Variants in UBR3 observed in about 807,000 individuals in gnomAD.
UBR3 encodes the protein ubiquitin protein ligase E3 component n-recognin 3.
UBR3 carries 85 observed loss-of-function variants against 243.2 expected under a neutral mutation model. The ratio of observed to expected loss-of-function variants is 0.35; its 90% CI spans 0.29 to 0.42. The LOEUF (loss-of-function observed/expected upper bound fraction) is 0.42. Among genes scored for constraint, UBR3 ranks in the 10% least tolerant of loss-of-function variants. UBR3 has a pLI of 1.00. For missense variants in UBR3, 1,686 were observed against 2,300.8 expected, an observed-to-expected ratio of 0.73 and a Z score of 5.47; for synonymous variants, 748 against 799.8, an observed-to-expected ratio of 0.94 and a Z score of 1.09.
intron 13 of UBR3, among the ~76,000 whole-genome samples, chr2:169,924,841 T>C (rs1237908210): frequency 6.6e-6 from 1 of 152,196 alleles, no homozygotes; most frequent in Non-Finnish European, 1.5e-5. Context: ...GAGACCATCC[T>C]GGCCAACATG....
At chr2:169,838,387 T>TGTG (rs2082179340) in intron 1 of UBR3, among the ~76,000 whole-genome samples, 122 of 114,484 alleles carry the variant, frequency 1.1e-3, no homozygotes, top group African/African-American at 3.7e-3. Flanking sequence ...ATTAAGGCAT[T>TGTG]TGTGTGTGTG....
At chr2:170,022,234 CTAA>C (rs1184315852) in intron 30 of UBR3, among the ~76,000 whole-genome samples, 1 of 151,562 alleles carries the variant, frequency 6.6e-6, no homozygotes, top group African/African-American at 2.4e-5. Flanking sequence ...TTTGGTGAAG[CTAA>C]TAATAATACT....
chr2:169,831,127 A>ATATATATATT (rs1450878762), intron 1 of UBR3, among the ~76,000 whole-genome samples: 5 of 56,464 alleles, frequency 8.9e-5, no homozygotes, highest in South Asian at 9.5e-4. Flanking sequence ...ATATATATAT[A>ATATATATATT]TTTTTTTTTT....
intron 1 of UBR3, among the ~76,000 whole-genome samples, chr2:169,845,732 C>T (rs1223857872): frequency 6.6e-6 from 1 of 151,644 alleles, no homozygotes; most frequent in African/African-American, 2.4e-5. Context: ...ACTACAGGCA[C>T]ACCACCACAC....
rs1381341956 is a variant in UBR3, at chr2:169,949,588, C to T, written c.3085-17C>T. Reference sequence around the variant, plus strand: ...AACTTCTCTTGATTTTTCTTTGTTTCTCTTTGTTAATGGTAGAATTCTGGT... The same window carrying T: ...AACTTCTCTTGATTTTTCTTTGTTTTTCTTTGTTAATGGTAGAATTCTGGT... On this transcript the variant is annotated splice_polypyrimidine_tract_variant and intron_variant, in intron 22 of 38. Coordinates refer to ENST00000272793, the MANE Select transcript of UBR3 (RefSeq NM_172070.4). The T allele has an allele frequency of 1.3e-6, 2 of 1,491,690 alleles. No individual in the cohort carries two copies. The highest frequency in any genetic ancestry group is 2.5e-5 in the East Asian group (1 of 40,352). 92.4% of individuals were successfully genotyped at this position (1,491,690 alleles called of 1,614,324 possible).
At chr2:170,000,996 G>T (rs960218487) in intron 26 of UBR3, among the ~76,000 whole-genome samples, 1 of 152,176 alleles carries the variant, frequency 6.6e-6, no homozygotes, top group African/African-American at 2.4e-5. Flanking sequence ...CAACAGTATA[G>T]TTCATACTGA....
chr2:169,928,481 A>C (rs563400845), intron 17 of UBR3, among the ~76,000 whole-genome samples: 6 of 152,310 alleles, frequency 3.9e-5, no homozygotes, highest in African/African-American at 1.4e-4. Flanking sequence ...CGGGGAAAAT[A>C]TACCTGGGAA....
In UBR3 at chr2:170,074,738, C is replaced by T. The variant is rs555106425; in HGVS notation, c.5199+1131C>T. 3.9e-5 allele frequency among the ~76,000 whole-genome samples: 6 copies of T among 152,264 alleles called. No individual in the cohort carries two copies. In the East Asian group the frequency reaches 1.2e-3, roughly 29 times the overall value. On this transcript the variant is annotated intron_variant, in intron 36 of 38. Transcript: ENST00000272793. ...GTCTGATAGTCCATCTTCCTTACATCCTAATCCCTTTTTTTTCTGTTGTTC... is the reference window on the plus strand; with the variant it reads ...GTCTGATAGTCCATCTTCCTTACATTCTAATCCCTTTTTTTTCTGTTGTTC...
At chr2:170,056,261 C>A (rs926958505) in intron 33 of UBR3, among the ~76,000 whole-genome samples, 4 of 152,136 alleles carry the variant, frequency 2.6e-5, no homozygotes, top group Non-Finnish European at 4.4e-5. Flanking sequence ...CCACCTCAGC[C>A]TCCCAAAGTG....
intron 19 of UBR3, among the ~76,000 whole-genome samples, chr2:169,935,002 T>C (rs887063782): frequency 3.9e-5 from 6 of 151,944 alleles, no homozygotes; most frequent in African/African-American, 1.5e-4. Flanking sequence ...CTCACTCCCT[T>C]CCAAATACCC....
chr2:169,932,880 A>G (rs762947459), intron 18 of UBR3, 32 bp from the exon 19 acceptor site: 25 of 1,473,148 alleles, frequency 1.7e-5, no homozygotes, highest in Non-Finnish European at 2.3e-5. Context: ...ATTTCTGAGA[A>G]GTCAATGTTT....
At chr2:170,033,909 TA>T (rs2090752057) in intron 31 of UBR3, among the ~76,000 whole-genome samples, 3 of 151,814 alleles carry the variant, frequency 2.0e-5, no homozygotes, top group Non-Finnish European at 4.4e-5. Context: ...CTCTTATCCA[TA>T]GAATCAACAG....
intron 24 of UBR3, among the ~76,000 whole-genome samples, chr2:169,981,941 T>C (rs1352861016): frequency 6.6e-6 from 1 of 152,156 alleles, no homozygotes; most frequent in Admixed American, 6.5e-5. Context: ...TTAATGATAG[T>C]GTGCAGTGGG....
chr2:170,017,422 T>G (rs1308208418), intron 30 of UBR3, among the ~76,000 whole-genome samples: 1 of 152,094 alleles, frequency 6.6e-6, no homozygotes, highest in African/African-American at 2.4e-5. Flanking sequence ...AATACTGTTC[T>G]GTTACGACTT....
chr2:170,071,391 A>C (rs13002123), intron 35 of UBR3, among the ~76,000 whole-genome samples: 66,951 of 152,042 alleles, frequency 0.44, 15,872 homozygotes, highest in Non-Finnish European at 0.54. Context: ...GGCCAGGTAC[A>C]TAAGATTACA....
At chr2:169,858,962 CT>C (rs2082987141) in intron 1 of UBR3, among the ~76,000 whole-genome samples, 1 of 151,740 alleles carries the variant, frequency 6.6e-6, no homozygotes, top group Middle Eastern at 3.2e-3. Context: ...TACAAAAAGT[CT>C]CCTGTTATTT....
Position 170,081,886 on chromosome 2 carries a change from AATTT to A in UBR3, c.*48_*51del. The A allele has an allele frequency of 7.5e-7, 1 of 1,331,296 alleles. No homozygotes were observed. The highest frequency in any genetic ancestry group is 1.0e-6 in the Non-Finnish European group (1 of 981,992). 82.5% of individuals were successfully genotyped at this position (1,331,296 alleles called of 1,614,324 possible). On this transcript the variant is annotated 3_prime_UTR_variant, in exon 39 of 39. Transcript: ENST00000272793. ...GCATCGTATCATCATTTTCGCTACGAATTTATTTTTCAACAATAAGCTTTAACTT... is the reference window on the plus strand; with the variant it reads ...GCATCGTATCATCATTTTCGCTACGAATTTTTCAACAATAAGCTTTAACTT...
At chr2:170,036,535 A>T (rs2090837584) in intron 31 of UBR3, among the ~76,000 whole-genome samples, 1 of 152,114 alleles carries the variant, frequency 6.6e-6, no homozygotes, top group Admixed American at 6.6e-5. Context: ...TTATCACTTA[A>T]ACATTTTTTG....
At chr2:170,069,727 G>T (rs2091656308) in intron 35 of UBR3, among the ~76,000 whole-genome samples, 1 of 151,790 alleles carries the variant, frequency 6.6e-6, no homozygotes, top group Non-Finnish European at 1.5e-5. Flanking sequence ...CATTCATGTT[G>T]TGATAAATTG....
Sources: gnomAD v4.1 joint callset for allele counts (sites outside exome capture counted in the v4.1 genomes callset) on GRCh38, gnomAD v4.1.1 for gene constraint, MANE v1.5 for transcripts, NCBI Gene and HGNC (gene_info 2026-07-23, HGNC 2026-07-21) for gene names.